ATP1B3: variants seen among roughly 807,000 people sequenced by gnomAD.
ATP1B3 encodes ATPase Na+/K+ transporting subunit beta 3.
ATP1B3 carries 10 observed loss-of-function variants against 30.2 expected under a neutral mutation model. The observed-to-expected ratio is 0.33, with a 90% confidence interval of 0.20 to 0.56. The LOEUF (loss-of-function observed/expected upper bound fraction) is 0.56. Among genes scored for constraint, ATP1B3 ranks in the 20% least tolerant of loss-of-function variants. The pLI, the probability that ATP1B3 is intolerant of heterozygous loss-of-function variation, is 0.90. For synonymous variants in ATP1B3, 113 were observed against 117.0 expected (o/e 0.97, Z 0.22); for missense variants, 238 against 336.7 (o/e 0.71, Z 2.29).
intron 1 of ATP1B3, among the ~76,000 whole-genome samples, chr3:141,885,365 A>G (rs1933807382): frequency 6.6e-6 from 1 of 152,210 alleles, no homozygotes; most frequent in East Asian, 1.9e-4. Flanking sequence ...CACCCGTACC[A>G]AATTTCATTA....
intron 3 of ATP1B3, among the ~76,000 whole-genome samples, chr3:141,913,389 A>C (rs79798088): frequency 6.6e-6 from 1 of 152,042 alleles, no homozygotes; most frequent in Non-Finnish European, 1.5e-5. Context: ...TGCTTTAGCC[A>C]TGGCTGGTAC....
chr3:141,896,923 G>A (rs568496589), intron 1 of ATP1B3, among the ~76,000 whole-genome samples: 1 of 152,262 alleles, frequency 6.6e-6, no homozygotes, highest in East Asian at 1.9e-4. Flanking sequence ...TCTTCTGTGT[G>A]TTTAGACTTT....
intron 1 of ATP1B3, among the ~76,000 whole-genome samples, chr3:141,902,637 T>C (rs143800399): frequency 1.3e-5 from 2 of 152,366 alleles, no homozygotes; most frequent in African/African-American, 2.4e-5. Context: ...GATAGATCTA[T>C]CTTAGTGTTC....
intron 5 of ATP1B3, among the ~76,000 whole-genome samples, chr3:141,916,905 G>A (rs79858421): frequency 4.0e-5 from 6 of 151,644 alleles, no homozygotes; most frequent in African/African-American, 1.2e-4. Flanking sequence ...TCACTCTGTC[G>A]CCTGGGCTGG....
At chr3:141,907,392 G>A in intron 3 of ATP1B3, 118 bp downstream of exon 3, 1 of 686,820 alleles carries the variant, frequency 1.5e-6, no homozygotes, top group Non-Finnish European at 2.3e-6. Context: ...GGCCGAAGCG[G>A]GCAGATCACC....
chr3:141,907,106 A>T (rs927531200), intron 2 of ATP1B3, 61 bp from the exon 3 acceptor site: 8 of 1,305,730 alleles, frequency 6.1e-6, no homozygotes, highest in Non-Finnish European at 8.6e-6. Context: ...CTTTTTAGAG[A>T]TAAGAGGAAG....
At chr3:141,905,907 A>G (rs1156902429) in intron 2 of ATP1B3, among the ~76,000 whole-genome samples, 1 of 152,014 alleles carries the variant, frequency 6.6e-6, no homozygotes, top group African/African-American at 2.4e-5. Flanking sequence ...TTAGTACTTA[A>G]AGTATCATTA....
Position 141,925,606 on chromosome 3 carries a change from G to A in ATP1B3, c.745G>A (p.Glu249Lys). 1 of 1,613,862 alleles carries A rather than the reference G, an allele frequency of 6.2e-7. No individual in the cohort carries two copies. The highest frequency in any genetic ancestry group is 1.1e-5 in the South Asian group (1 of 91,064). Residue 249 changes from glutamate (E) to lysine (K), a missense_variant, in exon 7 of 7, where the codon GAG becomes AAG. Glu to Lys is a moderately conservative substitution (Grantham distance 56). Transcript: ENST00000286371. The part of the protein sequence containing the change: ...PNNTGKEVTV[E>K]CKIDGSANLK... ...CAACACTGGGAAAGAAGTAACAGTT[G>A]AGTGCAAGATTGATGGATCAGCCAA...
rs1044200824 is a variant in ATP1B3, at chr3:141,876,823, T to C, written c.22T>C (p.Ser8Pro). The change falls in exon 1 of 7, where the codon TCC becomes CCC. Residue 8 changes from serine to proline, a missense_variant. By Grantham distance (74) the Ser-to-Pro change is moderately conservative. This residue lies in a region of ATP1B3 where 130 missense variants were observed against 148.8 expected (regional missense o/e 0.87). Transcript: ENST00000286371. Reference sequence around the variant, plus strand: ...CACCATGACGAAGAACGAGAAGAAGTCCCTCAACCAGAGCCTGGCCGAGTG... The same window carrying C: ...CACCATGACGAAGAACGAGAAGAAGCCCCTCAACCAGAGCCTGGCCGAGTG... MTKNEKK[S>P]LNQSLAEWKL... The C allele has an allele frequency of 7.6e-6, 12 of 1,587,144 alleles. No homozygotes were observed. The African/African-American group carries it at 1.7e-4, about 22-fold the overall frequency.
intron 1 of ATP1B3, among the ~76,000 whole-genome samples, chr3:141,887,760 T>A (rs1162674394): frequency 6.6e-6 from 1 of 152,232 alleles, no homozygotes; most frequent in Non-Finnish European, 1.5e-5. Context: ...CAAAATGTGA[T>A]GAATCTCACA....
At chr3:141,907,601 A>G (rs909836240) in intron 3 of ATP1B3, among the ~76,000 whole-genome samples, 5 of 152,134 alleles carry the variant, frequency 3.3e-5, no homozygotes, top group South Asian at 4.2e-4. Flanking sequence ...AGTTTGCGCC[A>G]TTGCACTCCA....
At chr3:141,891,670 C>T (rs1933956946) in intron 1 of ATP1B3, among the ~76,000 whole-genome samples, 1 of 151,850 alleles carries the variant, frequency 6.6e-6, no homozygotes, top group Non-Finnish European at 1.5e-5. Flanking sequence ...TTATTTTAGT[C>T]TTGAGCTAAA....
At chr3:141,912,080 A>G (rs959401335) in intron 3 of ATP1B3, among the ~76,000 whole-genome samples, 3 of 152,172 alleles carry the variant, frequency 2.0e-5, no homozygotes, top group Non-Finnish European at 4.4e-5. Context: ...CTGTTTTGTT[A>G]TAAAGTTTAT....
intron 1 of ATP1B3, among the ~76,000 whole-genome samples, chr3:141,901,601 G>A (rs936664074): frequency 6.6e-6 from 1 of 152,052 alleles, no homozygotes; most frequent in African/African-American, 2.4e-5. Flanking sequence ...TGTATATATT[G>A]TATGAATGTA....
At chr3:141,916,606 A>AT (rs1010338205) in intron 5 of ATP1B3, 1 of 1,242,256 alleles carries the variant, frequency 8.0e-7, no homozygotes, top group African/African-American at 1.5e-5. Flanking sequence ...TAAGTTCTAA[A>AT]TTTATCATTG....
chr3:141,876,694 C>T lies in ATP1B3; in HGVS notation c.-108C>T. On this transcript the variant is annotated 5_prime_UTR_variant, in exon 1 of 7. Coordinates refer to ENST00000286371, the MANE Select transcript of ATP1B3 (RefSeq NM_001679.4). ...AGGAGGTGTTCTCGGCCGTCCCACC[C>T]TTCACTGCCGTCTCCGGGCTGCGCC... 1.3e-6 allele frequency: 1 copy of T among 766,736 alleles called. No homozygotes were observed. The highest frequency in any genetic ancestry group is 2.1e-6 in the Non-Finnish European group (1 of 471,904). 47.5% of individuals were successfully genotyped at this position (766,736 alleles called of 1,614,324 possible).
At chr3:141,900,902 CCT>C (rs1934149642) in intron 1 of ATP1B3, among the ~76,000 whole-genome samples, 1 of 152,182 alleles carries the variant, frequency 6.6e-6, no homozygotes, top group African/African-American at 2.4e-5. Context: ...CCCATCTCAG[CCT>C]CTCAAGTAGC....
rs377088804 is a variant in ATP1B3, at chr3:141,901,222, A to G, written c.110-2398A>G. 2.0e-5 allele frequency among the ~76,000 whole-genome samples: 3 copies of G among 152,352 alleles called. No individual in the cohort carries two copies. In the East Asian group the frequency reaches 5.8e-4, roughly 29 times the overall value. The stretch of plus-strand genomic sequence containing the variant: ...TACATCAAGTAGCACTGAGGCGGGC[A>G]TGGCACATTGAATAGGTTCCATGAA... On this transcript the variant is annotated intron_variant, in intron 1 of 6. Transcript: ENST00000286371.
chr3:141,921,858 T>C, intron 5 of ATP1B3, 119 bp from the exon 6 acceptor site: 1 of 551,762 alleles, frequency 1.8e-6, no homozygotes, highest in South Asian at 2.3e-5. Flanking sequence ...GATAATATAG[T>C]TGGAGCAGCA....
Sources: allele counts gnomAD v4.1 joint callset (sites outside exome capture counted in the v4.1 genomes callset), GRCh38; gene constraint gnomAD v4.1.1; regional missense constraint gnomAD v4.1.1; transcripts MANE v1.5; gene names NCBI Gene and HGNC (gene_info 2026-07-23, HGNC 2026-07-21).